Variants in SOX6 observed in about 807,000 individuals in gnomAD.
SOX6 encodes SRY-box transcription factor 6, also known as transcription factor SOX-6.
Under a neutral mutation model 97.8 loss-of-function variants are expected in SOX6, and 11 were observed. That is an observed-to-expected ratio of 0.11 (90% CI 0.07 to 0.19). SOX6 has a LOEUF of 0.19. Among genes scored for constraint, SOX6 ranks in the 10% least tolerant of loss-of-function variants. The pLI, the probability that SOX6 is intolerant of heterozygous loss-of-function variation, is 1.00. For synonymous variants in SOX6, 360 were observed against 371.4 expected, an observed-to-expected ratio of 0.97 and a Z score of 0.35; for missense variants, 810 against 1,039.5, an observed-to-expected ratio of 0.78 and a Z score of 3.04.
chr11:16,078,023 T>C (rs1293896381), intron 9 of SOX6, among the ~76,000 whole-genome samples: 3 of 152,194 alleles, frequency 2.0e-5, no homozygotes, highest in African/African-American at 7.2e-5. Flanking sequence ...AAATAAAATA[T>C]GTTAACATAT....
rs528081169 is a variant in SOX6, at chr11:16,727,824, T to G, written n.353+8515A>C. On this transcript the variant is annotated intron_variant and non_coding_transcript_variant, in intron 2 of 5. Transcript: ENST00000524520. The stretch of plus-strand genomic sequence containing the variant: ...TTCTCTTTTTTAATTTTTTTCAACT[T>G]CATATGCTCTGGATCAGTGTTTATT... Among the ~76,000 whole-genome samples the G allele has an allele frequency of 1.7e-4, 26 of 151,914 alleles. No individual in the cohort carries two copies. In the South Asian group the frequency reaches 5.4e-3, roughly 31 times the overall value.
At chr11:16,074,339 A>G (rs942807546) in intron 9 of SOX6, among the ~76,000 whole-genome samples, 2 of 152,152 alleles carry the variant, frequency 1.3e-5, no homozygotes, top group Non-Finnish European at 2.9e-5. Flanking sequence ...TAGAAAACTT[A>G]GAAAAAAACG....
chr11:16,386,982 T>C (rs1858006706), intron 1 of SOX6, among the ~76,000 whole-genome samples: 1 of 152,152 alleles, frequency 6.6e-6, no homozygotes, highest in African/African-American at 2.4e-5. Context: ...ATACAAAAGG[T>C]AAAAGGCATT....
At chr11:16,445,932 C>A (rs1503450) in intron 1 of SOX6, among the ~76,000 whole-genome samples, 31 of 152,170 alleles carry the variant, frequency 2.0e-4, no homozygotes, top group Middle Eastern at 3.4e-3. Context: ...AATCTTACTC[C>A]TGAGAAGGTA....
At chr11:16,370,132 C>T (rs1857463108) in intron 1 of SOX6, among the ~76,000 whole-genome samples, 1 of 152,138 alleles carries the variant, frequency 6.6e-6, no homozygotes, top group Non-Finnish European at 1.5e-5. Flanking sequence ...ATCACAAGTC[C>T]AAGCCCCAAT....
intron 4 of SOX6, among the ~76,000 whole-genome samples, chr11:16,553,633 C>T (rs1386100143): frequency 1.3e-5 from 2 of 150,876 alleles, no homozygotes; most frequent in Admixed American, 6.6e-5. Context: ...TAAATGGCTA[C>T]AAATCCAGCA....
chr11:16,379,956 T>C (rs1248588653), intron 1 of SOX6, among the ~76,000 whole-genome samples: 1 of 151,870 alleles, frequency 6.6e-6, no homozygotes, highest in Non-Finnish European at 1.5e-5. Flanking sequence ...TGATATACCA[T>C]TAAATTAAAA....
intron 3 of SOX6, among the ~76,000 whole-genome samples, chr11:16,302,365 C>T (rs1284487511): frequency 6.6e-6 from 1 of 152,084 alleles, no homozygotes; most frequent in Non-Finnish European, 1.5e-5. Context: ...AACTTCTTCA[C>T]ATTCATTAAA....
chr11:16,283,089 GTATATATATATA>G lies in SOX6; in HGVS notation c.445+35345_445+35356del, dbSNP rs10581083. Among the ~76,000 whole-genome samples the G allele has an allele frequency of 3.6e-3, 408 of 113,696 alleles. 6 individuals are homozygous for G. The highest frequency in any genetic ancestry group is 0.014 in the African/African-American group (395 of 28,698). 74.6% of individuals were successfully genotyped at this position (113,696 alleles called of 152,430 possible). A position where few individuals can be genotyped will look rare whatever the true frequency, so the allele number is the denominator to read the frequency against. On this transcript the variant is annotated intron_variant, in intron 3 of 15. Coordinates refer to ENST00000683767, the MANE Select transcript of SOX6 (RefSeq NM_001367873.1). ...TATATATGTAAATTATATATAATTT[GTATATATATATA>G]TATATATATATATGACTCTGCTGAG...
chr11:16,344,161 T>G (rs1010320370), intron 1 of SOX6, among the ~76,000 whole-genome samples: 1 of 151,988 alleles, frequency 6.6e-6, no homozygotes, highest in African/African-American at 2.4e-5. Context: ...ATGGGTTTTG[T>G]TTTTAGCAAG....
At chr11:16,420,583 T>C (rs1357420930) in intron 1 of SOX6, among the ~76,000 whole-genome samples, 1 of 152,162 alleles carries the variant, frequency 6.6e-6, no homozygotes. Context: ...TAGAGAGAGA[T>C]AAAAAGTAGG....
chr11:16,396,151 A>G (rs941834198), intron 1 of SOX6, among the ~76,000 whole-genome samples: 1 of 151,702 alleles, frequency 6.6e-6, no homozygotes, highest in Non-Finnish European at 1.5e-5. Flanking sequence ...TTGTTTTAGC[A>G]TACACTATAA....
chr11:16,032,109 C>T (rs118086049), intron 12 of SOX6, among the ~76,000 whole-genome samples: 1 of 152,122 alleles, frequency 6.6e-6, no homozygotes, highest in Non-Finnish European at 1.5e-5. Context: ...AAAGTCTGGG[C>T]TCTAGTCACA....
At chr11:16,306,285 G>A (rs764314160) in intron 3 of SOX6, among the ~76,000 whole-genome samples, 32 of 152,024 alleles carry the variant, frequency 2.1e-4, no homozygotes, top group Non-Finnish European at 3.8e-4. Context: ...ATCTACAATT[G>A]TCTCAACAAA....
chr11:16,235,885 G>A (rs919427940), intron 3 of SOX6, among the ~76,000 whole-genome samples: 1 of 151,958 alleles, frequency 6.6e-6, no homozygotes, highest in African/African-American at 2.4e-5. Context: ...AGAAAGTATT[G>A]GTGAAAAAAC....
chr11:16,151,127 C>A (rs912859986), intron 6 of SOX6, among the ~76,000 whole-genome samples: 1 of 152,070 alleles, frequency 6.6e-6, no homozygotes, highest in Non-Finnish European at 1.5e-5. Flanking sequence ...TTTTCTTTGA[C>A]ATATGCAATA....
chr11:16,015,897 C>T, intron 12 of SOX6, among the ~76,000 whole-genome samples: 1 of 152,022 alleles, frequency 6.6e-6, no homozygotes, highest in Non-Finnish European at 1.5e-5. Flanking sequence ...TGAATGAAAC[C>T]TTGTTGTTCA....
At chr11:16,115,917 T>C (rs16932573) in intron 6 of SOX6, among the ~76,000 whole-genome samples, 14,229 of 152,228 alleles carry the variant, frequency 0.093, 1,350 homozygotes, top group East Asian at 0.37. Context: ...TTTTATTTTA[T>C]ACAGAACACA....
chr11:16,425,574 G>T (rs1182041702), intron 1 of SOX6, among the ~76,000 whole-genome samples: 2 of 152,148 alleles, frequency 1.3e-5, no homozygotes, highest in East Asian at 3.9e-4. Context: ...AAAACCCATT[G>T]TCTTAGCCCA....
Sources: gnomAD v4.1 joint callset for allele counts (sites outside exome capture counted in the v4.1 genomes callset) on GRCh38, gnomAD v4.1.1 for gene constraint, MANE v1.5 for transcripts, NCBI Gene and HGNC (gene_info 2026-07-23, HGNC 2026-07-21) for gene names.